BTBD10: variants seen among roughly 807,000 people sequenced by gnomAD.
The protein encoded by BTBD10 is BTB/POZ domain-containing protein 10.
BTBD10 carries 21 observed loss-of-function variants against 53.2 expected under a neutral mutation model. That is an observed-to-expected ratio of 0.39 (90% CI 0.28 to 0.57). The LOEUF is 0.57. BTBD10 is among the 20% of genes least tolerant of loss of function. The pLI is 0.53. For missense variants in BTBD10, 360 were observed against 594.7 expected (o/e 0.61, Z 4.10); for synonymous variants, 149 against 192.7 (o/e 0.77, Z 1.88).
chr11:13,450,906 C>A (rs1950844077), intron 1 of BTBD10, among the ~76,000 whole-genome samples: 1 of 152,144 alleles, frequency 6.6e-6, no homozygotes, highest in Non-Finnish European at 1.5e-5. Context: ...GAAAGAAGAG[C>A]TTACTCTTGA....
Position 13,410,437 on chromosome 11 carries a change from T to C in BTBD10, c.808+3093A>G, listed in dbSNP as rs75812380. Among the ~76,000 whole-genome samples, 159 of 152,280 alleles carry C rather than the reference T, an allele frequency of 1.0e-3. 4 individuals are homozygous for C. In the East Asian group the frequency reaches 0.026, roughly 25 times the overall value. ...TTTTTCTTAAGACAGGGTCTTGCTA[T>C]GTTGCCTAGGATGATTTCGAACCCC... On this transcript the variant is annotated intron_variant, in intron 6 of 8. Coordinates refer to ENST00000278174, the MANE Select transcript of BTBD10 (RefSeq NM_032320.7).
chr11:13,445,037 A>C lies in BTBD10; in HGVS notation c.88T>G (p.Tyr30Asp). The C allele has an allele frequency of 6.2e-7, 1 of 1,609,802 alleles. No homozygotes were observed. Among genetic ancestry groups the C allele is most frequent in the Non-Finnish European group, 8.5e-7 (1 of 1,176,440 alleles). The part of the protein sequence containing the change: ...RKLHSRPRKL[Y>D]KHSSTSSRIA... ...TTTTCTACCTACCTTGAATGTTTAT[A>C]AAGTTTACGAGGTCTACTATGCAAT... Residue 30 changes from tyrosine (Y) to aspartate (D), a missense_variant, in exon 2 of 9, where the codon TAT (tyrosine) becomes GAT (aspartate). By Grantham distance (160) the Tyr-to-Asp change is radical (BLOSUM62 -3). Coordinates refer to ENST00000278174, the MANE Select transcript of BTBD10 (RefSeq NM_032320.7).
intron 2 of BTBD10, among the ~76,000 whole-genome samples, chr11:13,434,889 AAAG>A (rs1317161212): frequency 6.6e-6 from 1 of 152,210 alleles, no homozygotes; most frequent in Non-Finnish European, 1.5e-5. Flanking sequence ...GGTGAGAGAA[AAAG>A]AAGAGTTAAG....
intron 2 of BTBD10, among the ~76,000 whole-genome samples, chr11:13,437,316 C>G (rs1228318075): frequency 6.6e-6 from 1 of 152,158 alleles, no homozygotes. Flanking sequence ...ACCCTCAGGT[C>G]TTTTTCATAT....
At chr11:13,429,521 G>A (rs1565255735) in intron 2 of BTBD10, among the ~76,000 whole-genome samples, 1 of 151,842 alleles carries the variant, frequency 6.6e-6, no homozygotes, top group African/African-American at 2.4e-5. Flanking sequence ...TTTCAACAAG[G>A]GCTCAAACAC....
At chr11:13,458,764 T>A (rs1024666674) in intron 1 of BTBD10, among the ~76,000 whole-genome samples, 1 of 152,210 alleles carries the variant, frequency 6.6e-6, no homozygotes, top group Non-Finnish European at 1.5e-5. Flanking sequence ...CAGTTAACCA[T>A]CTTACAGGAG....
At chr11:13,441,489 A>G (rs1950649456) in intron 2 of BTBD10, among the ~76,000 whole-genome samples, 1 of 152,154 alleles carries the variant, frequency 6.6e-6, no homozygotes, top group African/African-American at 2.4e-5. Flanking sequence ...TAATAATTAA[A>G]TGATTTTTTA....
rs761940876 is a variant in BTBD10, at chr11:13,417,261, C to T, written c.585-1G>A. On this transcript the variant is annotated splice_acceptor_variant, in intron 4 of 8. Transcript: ENST00000278174. LOFTEE classifies it high-confidence loss of function. ...ATGTTCTCGGCCAGATCCAAACATC[C>T]TATGATAGTAAATAATTGAGAAATA... 3.1e-6 allele frequency: 5 copies of T among 1,599,120 alleles called. No homozygotes were observed. The highest frequency in any genetic ancestry group is 4.3e-6 in the Non-Finnish European group (5 of 1,170,454).
At chr11:13,397,059 A>C (rs1413494533) in intron 8 of BTBD10, among the ~76,000 whole-genome samples, 1 of 152,234 alleles carries the variant, frequency 6.6e-6, no homozygotes, top group African/African-American at 2.4e-5. Context: ...GCCTCATAAA[A>C]TGAGTTAGGA....
chr11:13,395,401 G>A (rs1949520324), intron 8 of BTBD10, among the ~76,000 whole-genome samples: 1 of 151,770 alleles, frequency 6.6e-6, no homozygotes, highest in South Asian at 2.1e-4. Context: ...TTTTTTTCTT[G>A]TAAATTTGTT....
intron 8 of BTBD10, among the ~76,000 whole-genome samples, chr11:13,395,610 G>C (rs1391437123): frequency 6.6e-6 from 1 of 152,174 alleles, no homozygotes; most frequent in African/African-American, 2.4e-5. Flanking sequence ...TGAAGTCCTT[G>C]CCCATGCCTA....
At chr11:13,461,897 A>T (rs1951106844) in intron 1 of BTBD10, among the ~76,000 whole-genome samples, 1 of 151,480 alleles carries the variant, frequency 6.6e-6, no homozygotes, top group African/African-American at 2.4e-5. Flanking sequence ...TTTATAAAAC[A>T]CATTTACATC....
At chr11:13,411,920 C>G (rs536198419) in intron 6 of BTBD10, among the ~76,000 whole-genome samples, 1 of 152,080 alleles carries the variant, frequency 6.6e-6, no homozygotes, top group East Asian at 1.9e-4. Context: ...CAACCTCCAC[C>G]TCCCGTGTTC....
Position 13,422,905 on chromosome 11 carries a change from T to C in BTBD10, c.102-1067A>G, listed in dbSNP as rs1950270877. ...AGAAAGAAGCTTCCTCAGGAGCTTG[T>C]TTTCTAAGTGTAGCAATAATAGATA... On this transcript the variant is annotated intron_variant, in intron 2 of 8. Transcript: ENST00000278174. Among the ~76,000 whole-genome samples, 9 of 152,296 alleles carry C rather than the reference T, an allele frequency of 5.9e-5. No homozygotes were observed. In the South Asian group the frequency reaches 1.9e-3, roughly 32 times the overall value.
chr11:13,424,762 G>A (rs1950305571), intron 2 of BTBD10, among the ~76,000 whole-genome samples: 1 of 152,094 alleles, frequency 6.6e-6, no homozygotes, highest in South Asian at 2.1e-4. Context: ...ACGGAATATA[G>A]GAAACAACAG....
chr11:13,424,042 T>TG (rs1264473878), intron 2 of BTBD10, among the ~76,000 whole-genome samples: 1 of 152,202 alleles, frequency 6.6e-6, no homozygotes, highest in Non-Finnish European at 1.5e-5. Context: ...GTAGGAATAC[T>TG]GGAATTTCTG....
chr11:13,394,571 G>T (rs1016873418), intron 8 of BTBD10, among the ~76,000 whole-genome samples: 1 of 152,056 alleles, frequency 6.6e-6, no homozygotes, highest in Non-Finnish European at 1.5e-5. Flanking sequence ...TATACTTTAA[G>T]TTTTAGGGTA....
At chr11:13,395,252 G>T (rs1220432688) in intron 8 of BTBD10, among the ~76,000 whole-genome samples, 3 of 151,832 alleles carry the variant, frequency 2.0e-5, no homozygotes, top group South Asian at 2.1e-4. Context: ...GTGTGAGATG[G>T]TATCTCATTG....
intron 2 of BTBD10, among the ~76,000 whole-genome samples, chr11:13,425,875 T>C (rs1950328575): frequency 6.6e-6 from 1 of 151,952 alleles, no homozygotes. Context: ...TACATGTCAA[T>C]TAAAAATAAC....
Sources: gnomAD v4.1 joint callset for allele counts (sites outside exome capture counted in the v4.1 genomes callset) on GRCh38, gnomAD v4.1.1 for gene constraint, MANE v1.5 for transcripts, NCBI Gene and HGNC (gene_info 2026-07-23, HGNC 2026-07-21) for gene names.